The following CSMD2 variants were observed in gnomAD, a reference collection of about 807,000 sequenced individuals.
CSMD2 encodes CUB and sushi domain-containing protein 2.
A neutral mutation model predicts 398.5 loss-of-function variants in CSMD2; 130 were observed. The ratio of observed to expected loss-of-function variants is 0.33; its 90% CI spans 0.28 to 0.38. CSMD2 has a LOEUF of 0.38. CSMD2 is among the 10% of genes least tolerant of loss of function. The pLI is 1.00. For missense variants in CSMD2, 3,829 were observed against 4,764.9 expected (o/e 0.80, Z 5.78); for synonymous variants, 1,828 against 1,908.5 (o/e 0.96, Z 1.10).
intron 3 of CSMD2, among the ~76,000 whole-genome samples, chr1:33,936,710 G>T (rs1237938226): frequency 4.6e-5 from 7 of 152,210 alleles, no homozygotes; most frequent in Non-Finnish European, 8.8e-5. Context: ...CAGATTCTCT[G>T]TGCCCATAAG....
intron 25 of CSMD2, among the ~76,000 whole-genome samples, chr1:33,675,311 T>A (rs1644669098): frequency 6.6e-6 from 1 of 152,028 alleles, no homozygotes; most frequent in African/African-American, 2.4e-5. Flanking sequence ...CAAACTACCA[T>A]CAGAGAATAC....
chr1:33,935,880 C>T lies in CSMD2; in HGVS notation c.592G>A (p.Gly198Ser), dbSNP rs767673294. 10 of 1,614,184 alleles carry T rather than the reference C, an allele frequency of 6.2e-6. No homozygotes were observed. Among genetic ancestry groups the T allele is most frequent in the East Asian group, 2.2e-5 (1 of 44,878 alleles). ...GIQQGSTFNL[G>S]DKVRYSCNLG... ...TTGCAGCTGTAGCGGACCTTGTCAC[C>T]GAGGTTGAAGGTTGAACCCTGCTGG... The change falls in exon 4 of 71, where the codon GGT becomes AGT. Residue 198 changes from glycine to serine, a missense_variant. Physicochemically the swap from Gly to Ser is moderately conservative, Grantham distance 56. Coordinates refer to ENST00000373381, the MANE Select transcript of CSMD2 (RefSeq NM_001281956.2).
intron 32 of CSMD2, among the ~76,000 whole-genome samples, chr1:33,629,507 C>A (rs1161057028): frequency 2.6e-5 from 4 of 152,110 alleles, no homozygotes; most frequent in Non-Finnish European, 5.9e-5. Context: ...AAGAAGACAA[C>A]AAAATATCAT....
chr1:33,541,479 T>C (rs1656335199), intron 58 of CSMD2, among the ~76,000 whole-genome samples, 170 bp from the exon 59 acceptor site: 1 of 152,190 alleles, frequency 6.6e-6, no homozygotes, highest in South Asian at 2.1e-4. Flanking sequence ...AAATTTCTTT[T>C]TTTTTAAGTC....
In CSMD2 at chr1:33,559,507, T is replaced by C; in HGVS notation, c.8381-34A>G. On this transcript the variant is annotated intron_variant, in intron 53 of 70. Transcript: ENST00000373381. This position sits in a 1 kb window ranked among gnomAD's most constrained non-coding sequence, Gnocchi z 4.0. ...AAAACAGAAGATAGGTAAGCCCTCC[T>C]ACTATTCCACACCCCTCAGAATTTA... 1 of 1,530,056 alleles carries C rather than the reference T, an allele frequency of 6.5e-7. No individual in the cohort carries two copies. The highest frequency in any genetic ancestry group is 8.8e-7 in the Non-Finnish European group (1 of 1,141,840). 94.8% of individuals were successfully genotyped at this position (1,530,056 alleles called of 1,614,324 possible). A position where few individuals can be genotyped will look rare whatever the true frequency, so the allele number is the denominator to read the frequency against.
intron 2 of CSMD2, among the ~76,000 whole-genome samples, chr1:34,043,345 C>T (rs1327811265): frequency 2.6e-5 from 4 of 152,158 alleles, no homozygotes; most frequent in Non-Finnish European, 5.9e-5. Flanking sequence ...TCCCCCCAAC[C>T]CTGCATTAGC....
At chr1:33,553,843 G>T (rs1446216787) in intron 55 of CSMD2, among the ~76,000 whole-genome samples, 1 of 152,008 alleles carries the variant, frequency 6.6e-6, no homozygotes, top group Admixed American at 6.6e-5. Context: ...GTTTAGCATC[G>T]TCCTTGGCAT....
chr1:33,831,513 A>G (rs1318810063), intron 6 of CSMD2, among the ~76,000 whole-genome samples: 3 of 152,260 alleles, frequency 2.0e-5, no homozygotes, highest in South Asian at 2.1e-4. Context: ...TGAAGGAAGC[A>G]CTAAACATGG....
chr1:33,740,116 C>T (rs572372467), intron 14 of CSMD2, among the ~76,000 whole-genome samples: 2 of 152,088 alleles, frequency 1.3e-5, no homozygotes, highest in Non-Finnish European at 2.9e-5. Context: ...ATGAGAGTGG[C>T]AATTGTTCGG....
chr1:34,096,487 G>A (rs1425101774), intron 1 of CSMD2, among the ~76,000 whole-genome samples: 2 of 149,284 alleles, frequency 1.3e-5, no homozygotes, highest in Non-Finnish European at 3.0e-5. Context: ...CTTTGCAGAC[G>A]ACATGATTGT....
chr1:34,111,588 C>T (rs1661083143), intron 1 of CSMD2, among the ~76,000 whole-genome samples: 1 of 152,158 alleles, frequency 6.6e-6, no homozygotes, highest in Admixed American at 6.5e-5. Context: ...TCTGTTAAAC[C>T]TTCCAATATC....
intron 5 of CSMD2, among the ~76,000 whole-genome samples, chr1:33,910,544 C>T (rs1310038758): frequency 2.0e-5 from 3 of 152,220 alleles, no homozygotes; most frequent in Non-Finnish European, 4.4e-5. Flanking sequence ...GGAGGGCAGA[C>T]AGTCACATGA....
intron 11 of CSMD2, 137 bp downstream of exon 11, chr1:33,792,286 T>A (rs994539994): frequency 2.9e-6 from 2 of 678,208 alleles, no homozygotes; most frequent in African/African-American, 3.5e-5. Flanking sequence ...AGAAGGATTA[T>A]TGCTGAAACT....
intron 5 of CSMD2, chr1:33,863,626 C>T (rs575139611): frequency 6.5e-6 from 1 of 152,942 alleles, no homozygotes; most frequent in Admixed American, 6.5e-5. Flanking sequence ...CATGAGCTGC[C>T]ACTGTTCAAG....
chr1:34,089,342 CAA>C (rs1658290225), intron 1 of CSMD2, 149 bp from the exon 2 acceptor site: 1 of 703,614 alleles, frequency 1.4e-6, no homozygotes, highest in South Asian at 1.7e-5. Flanking sequence ...GAGGGAGGTA[CAA>C]AGGGTGACTA....
chr1:33,822,499 CT>C (rs1344457646), intron 7 of CSMD2, among the ~76,000 whole-genome samples: 1 of 152,172 alleles, frequency 6.6e-6, no homozygotes, highest in Admixed American at 6.5e-5. Context: ...CACAGGTATC[CT>C]CTTGGTTGTG....
intron 1 of CSMD2, among the ~76,000 whole-genome samples, chr1:34,109,886 A>G (rs1205877631): frequency 6.6e-6 from 1 of 151,568 alleles, no homozygotes; most frequent in East Asian, 2.0e-4. Context: ...AAAAATACAC[A>G]AAAAATTAGC....
intron 1 of CSMD2, among the ~76,000 whole-genome samples, chr1:34,140,160 G>A (rs1639134677): frequency 6.6e-6 from 1 of 152,044 alleles, no homozygotes; most frequent in African/African-American, 2.4e-5. Context: ...TTATCCAAGG[G>A]CAAGACACAC....
chr1:33,805,109 T>A (rs1656071786), intron 10 of CSMD2, among the ~76,000 whole-genome samples: 1 of 152,268 alleles, frequency 6.6e-6, no homozygotes, highest in Non-Finnish European at 1.5e-5. Flanking sequence ...CTCCACACAC[T>A]GACCAAGGCT....
Sources: allele counts gnomAD v4.1 joint callset (sites outside exome capture counted in the v4.1 genomes callset), GRCh38; gene constraint gnomAD v4.1.1; non-coding constraint Gnocchi (gnomAD v3.1); transcripts MANE v1.5; gene names NCBI Gene and HGNC (gene_info 2026-07-23, HGNC 2026-07-21).